Variants in ARHGAP15 observed in about 807,000 individuals in gnomAD.
The protein encoded by ARHGAP15 is rho GTPase-activating protein 15.
In ARHGAP15, 51 loss-of-function variants were observed where a neutral mutation model predicts 63.7. The observed-to-expected ratio is 0.80, with a 90% CI of 0.64 to 1.01. The LOEUF is 1.01. ARHGAP15 is among the 50% of genes least tolerant of loss of function. The probability of loss-of-function intolerance (pLI) is 0.00; values close to 1 mark genes in which losing one functional copy is unlikely to be tolerated. For synonymous variants in ARHGAP15, 191 were observed against 193.8 expected, an observed-to-expected ratio of 0.99 and a Z score of 0.12; for missense variants, 560 against 564.6, an observed-to-expected ratio of 0.99 and a Z score of 0.08.
chr2:143,459,749 G>A (rs938492901), intron 8 of ARHGAP15, among the ~76,000 whole-genome samples: 34 of 152,130 alleles, frequency 2.2e-4, no homozygotes, highest in African/African-American at 7.7e-4. Context: ...TGAAAAATTT[G>A]AAATAATCTA....
intron 10 of ARHGAP15, among the ~76,000 whole-genome samples, chr2:143,527,666 A>G (rs1161458001): frequency 1.3e-5 from 2 of 152,102 alleles, no homozygotes; most frequent in Admixed American, 6.6e-5. Flanking sequence ...GGGTGTAAGT[A>G]TATCTTATAG....
rs35757623 is a variant in ARHGAP15 at position 143,308,935 on chromosome 2, CAAAAAAAAAA to C, written c.474+58347_474+58356del. Reference sequence around the variant, plus strand: ...ATTTGGTATTGACCTTCCTGGCAGCCAAAAAAAAAAAAAAAAAAAAAGGAAGAAAATAATA... The same window carrying C: ...ATTTGGTATTGACCTTCCTGGCAGCCAAAAAAAAAAAGGAAGAAAATAATA... On this transcript the variant is annotated intron_variant, in intron 6 of 13. Transcript: ENST00000295095. Among the ~76,000 whole-genome samples, 61 of 107,362 alleles carry C rather than the reference CAAAAAAAAAA, an allele frequency of 5.7e-4. 2 individuals carry two copies. The East Asian group carries it at 0.014, about 24-fold the overall frequency. The allele number at this position is 107,362 out of a possible 152,430, so 70.4% of individuals were successfully genotyped here. A position where few individuals can be genotyped will look rare whatever the true frequency, so the allele number is the denominator to read the frequency against.
intron 12 of ARHGAP15, among the ~76,000 whole-genome samples, chr2:143,628,301 C>G (rs1373127014): frequency 6.6e-6 from 1 of 152,096 alleles, no homozygotes; most frequent in Admixed American, 6.6e-5. Context: ...GTACTTGTGT[C>G]TTTTTGGTAG....
At chr2:143,679,685 ATGTG>A (rs1683010421) in intron 12 of ARHGAP15, among the ~76,000 whole-genome samples, 1 of 109,560 alleles carries the variant, frequency 9.1e-6, no homozygotes, top group Non-Finnish European at 2.1e-5. Flanking sequence ...GTGTGTGTGT[ATGTG>A]TGTGTGTGCA....
At chr2:143,483,777 TG>T (rs1692186283) in intron 8 of ARHGAP15, among the ~76,000 whole-genome samples, 1 of 152,262 alleles carries the variant, frequency 6.6e-6, no homozygotes, top group Non-Finnish European at 1.5e-5. Flanking sequence ...AATTTGTTAA[TG>T]GCTGATATTC....
At chr2:143,307,558 C>T (rs969925794) in intron 6 of ARHGAP15, among the ~76,000 whole-genome samples, 18 of 152,096 alleles carry the variant, frequency 1.2e-4, no homozygotes, top group African/African-American at 3.6e-4. Flanking sequence ...CTGATCAAAA[C>T]CTTCTGTCCC....
At chr2:143,533,913 C>T (rs1694631563) in intron 10 of ARHGAP15, among the ~76,000 whole-genome samples, 1 of 152,146 alleles carries the variant, frequency 6.6e-6, no homozygotes, top group Non-Finnish European at 1.5e-5. Flanking sequence ...CCATGCATTA[C>T]CAGCTGAGGC....
intron 10 of ARHGAP15, among the ~76,000 whole-genome samples, chr2:143,534,743 G>A (rs67673243): frequency 0.21 from 31,727 of 151,708 alleles, 3,598 homozygotes; most frequent in Middle Eastern, 0.28. Context: ...ATAGCCAGGC[G>A]TGGTGGTGTG....
intron 5 of ARHGAP15, among the ~76,000 whole-genome samples, chr2:143,230,154 A>G (rs1264450702): frequency 6.6e-6 from 1 of 152,102 alleles, no homozygotes; most frequent in Non-Finnish European, 1.5e-5. Context: ...GGAGGGGAGG[A>G]AAGTCGCTGG....
chr2:143,456,845 T>C lies in ARHGAP15; in HGVS notation c.703+19803T>C, dbSNP rs372014110. The stretch of plus-strand genomic sequence containing the variant: ...GTGTACATGTGTTTTGAAAGACAGA[T>C]TTGTGCAGATATAATGCATGTATGT... On this transcript the variant is annotated intron_variant, in intron 8 of 13. Transcript: ENST00000295095. 3.7e-5 allele frequency among the ~76,000 whole-genome samples: 5 copies of C among 136,456 alleles called. No individual in the cohort carries two copies. The South Asian group carries it at 9.5e-4, about 26-fold the overall frequency. The allele number at this position is 136,456 out of a possible 152,430, so 89.5% of individuals were successfully genotyped here. A position where few individuals can be genotyped will look rare whatever the true frequency, so the allele number is the denominator to read the frequency against.
At chr2:143,306,956 C>T (rs892639865) in intron 6 of ARHGAP15, among the ~76,000 whole-genome samples, 7 of 152,060 alleles carry the variant, frequency 4.6e-5, no homozygotes, top group African/African-American at 1.7e-4. Flanking sequence ...CAGGGTCTCA[C>T]GAAGTTGCTA....
At chr2:143,592,006 A>G (rs948330575) in intron 11 of ARHGAP15, among the ~76,000 whole-genome samples, 2 of 152,222 alleles carry the variant, frequency 1.3e-5, no homozygotes, top group Non-Finnish European at 1.5e-5. Flanking sequence ...CAAATAAAGC[A>G]CTATAGTCCA....
intron 12 of ARHGAP15, among the ~76,000 whole-genome samples, chr2:143,639,883 C>T (rs574573148): frequency 3.1e-4 from 47 of 152,074 alleles, no homozygotes; most frequent in East Asian, 5.8e-4. Context: ...AAATGTTTAA[C>T]GTCTTTGTTA....
intron 5 of ARHGAP15, among the ~76,000 whole-genome samples, chr2:143,243,122 C>T (rs1330469596): frequency 6.6e-6 from 1 of 152,110 alleles, no homozygotes; most frequent in African/African-American, 2.4e-5. Flanking sequence ...ATCATGGAAG[C>T]TATCATCAAG....
chr2:143,537,022 C>T (rs1271536252), intron 10 of ARHGAP15, among the ~76,000 whole-genome samples: 1 of 151,916 alleles, frequency 6.6e-6, no homozygotes, highest in Non-Finnish European at 1.5e-5. Context: ...TCTCCACATC[C>T]TCTCCAGCAC....
At chr2:143,465,704 A>AC (rs1691167227) in intron 8 of ARHGAP15, among the ~76,000 whole-genome samples, 1 of 29,846 alleles carries the variant, frequency 3.4e-5, no homozygotes, top group African/African-American at 6.7e-5. Flanking sequence ...TAAAGCAAGA[A>AC]AAATAAGTTT....
chr2:143,617,088 A>T (rs1698481563), intron 11 of ARHGAP15, among the ~76,000 whole-genome samples: 1 of 152,234 alleles, frequency 6.6e-6, no homozygotes, highest in Non-Finnish European at 1.5e-5. Flanking sequence ...AGAGAAAATC[A>T]TTTGAAATAG....
chr2:143,724,738 G>A (rs1685206908), intron 13 of ARHGAP15, among the ~76,000 whole-genome samples: 1 of 152,216 alleles, frequency 6.6e-6, no homozygotes, highest in Non-Finnish European at 1.5e-5. Context: ...CTGAAAAAAG[G>A]ATGGAGTTAA....
intron 13 of ARHGAP15, among the ~76,000 whole-genome samples, chr2:143,741,877 G>T (rs1251977600): frequency 1.3e-5 from 2 of 152,128 alleles, no homozygotes; most frequent in African/African-American, 4.8e-5. Flanking sequence ...AAATAAAAAT[G>T]AACTCAGAAA....
Sources: gnomAD v4.1 joint callset for allele counts (sites outside exome capture counted in the v4.1 genomes callset) on GRCh38, gnomAD v4.1.1 for gene constraint, MANE v1.5 for transcripts, NCBI Gene and HGNC (gene_info 2026-07-23, HGNC 2026-07-21) for gene names.